CDH18: variants seen among roughly 807,000 people sequenced by gnomAD.
The protein encoded by CDH18 is cadherin 18.
CDH18 carries 31 observed loss-of-function variants against 67.9 expected under a neutral mutation model. The ratio of observed to expected loss-of-function variants is 0.46; its 90% CI spans 0.34 to 0.62. The LOEUF (loss-of-function observed/expected upper bound fraction) is 0.62, where lower values mean the gene tolerates loss of function less well. Ranked by LOEUF, CDH18 falls within the 20% of genes least tolerant of loss-of-function variation. The pLI is 0.01. For missense variants in CDH18, 890 were observed against 975.5 expected (o/e 0.91, Z 1.17); for synonymous variants, 362 against 347.2 (o/e 1.04, Z -0.48).
At chr5:20,197,839 TG>T (rs1739106004) in intron 2 of CDH18, among the ~76,000 whole-genome samples, 2 of 152,344 alleles carry the variant, frequency 1.3e-5, no homozygotes, top group African/African-American at 4.8e-5. Flanking sequence ...TGATACAGTT[TG>T]GCTCTGTGTC....
intron 2 of CDH18, among the ~76,000 whole-genome samples, chr5:19,872,714 C>T (rs1202153273): frequency 1.3e-5 from 2 of 152,314 alleles, no homozygotes; most frequent in East Asian, 1.9e-4. Flanking sequence ...TCAGCTAAGT[C>T]AGTTAAGGCT....
At chr5:19,905,696 GTTGGGGGTGAC>G in intron 2 of CDH18, among the ~76,000 whole-genome samples, 1 of 151,974 alleles carries the variant, frequency 6.6e-6, no homozygotes, top group South Asian at 2.1e-4. Flanking sequence ...GGAAGTGTCA[GTTGGGGGTGAC>G]TTAGCATAGA....
intron 2 of CDH18, among the ~76,000 whole-genome samples, chr5:20,004,966 A>G (rs1173079270): frequency 6.6e-6 from 1 of 152,176 alleles, no homozygotes; most frequent in Non-Finnish European, 1.5e-5. Context: ...GTTCCAAATA[A>G]CAGAAAAAAT....
chr5:19,736,608 G>T lies in CDH18; in HGVS notation c.523+10334C>A, dbSNP rs577383478. ...ATAGTTATATTTTTCTAGTTTTTTT[G>T]TGTGTGTTTGTTTTCTATACTACGT... On this transcript the variant is annotated intron_variant, in intron 4 of 12. Transcript: ENST00000382275. Among the ~76,000 whole-genome samples the T allele has an allele frequency of 3.0e-4, 45 of 151,968 alleles. 1 individual carries two copies. The South Asian group carries it at 3.1e-3, about 11-fold the overall frequency.
chr5:20,375,414 A>T (rs1743332806), intron 1 of CDH18, among the ~76,000 whole-genome samples: 1 of 152,196 alleles, frequency 6.6e-6, no homozygotes, highest in Non-Finnish European at 1.5e-5. Flanking sequence ...AAAGATTTCC[A>T]TGCATCTATT....
intron 2 of CDH18, among the ~76,000 whole-genome samples, chr5:20,172,196 A>ATATATATATATG (rs1736787129): frequency 2.2e-5 from 1 of 45,436 alleles, no homozygotes; most frequent in Non-Finnish European, 4.0e-5. Context: ...GTGTGTATAT[A>ATATATATATATG]TATATATATA....
intron 2 of CDH18, among the ~76,000 whole-genome samples, chr5:20,201,548 G>T (rs1739448530): frequency 6.6e-6 from 1 of 151,484 alleles, no homozygotes; most frequent in African/African-American, 2.4e-5. Flanking sequence ...TTAGTACTTT[G>T]TACCTGGATA....
intron 2 of CDH18, among the ~76,000 whole-genome samples, chr5:20,178,405 C>G (rs1737407238): frequency 6.6e-6 from 1 of 151,520 alleles, no homozygotes; most frequent in Non-Finnish European, 1.5e-5. Context: ...GAAATCGTGA[C>G]TAAAAACATC....
At chr5:20,176,887 G>T (rs1289978745) in intron 2 of CDH18, among the ~76,000 whole-genome samples, 4 of 152,062 alleles carry the variant, frequency 2.6e-5, no homozygotes, top group Non-Finnish European at 5.9e-5. Context: ...GGAGGTGCTT[G>T]TAAGTTAATT....
intron 2 of CDH18, among the ~76,000 whole-genome samples, chr5:20,150,268 C>A (rs750020384): frequency 6.6e-5 from 10 of 152,016 alleles, no homozygotes; most frequent in Non-Finnish European, 1.3e-4. Flanking sequence ...ACCTGAAAGT[C>A]TGCATCATGG....
intron 1 of CDH18, among the ~76,000 whole-genome samples, chr5:20,471,833 T>TAAAAAAAAAAAAAAAAAAA (rs70954659): frequency 1.6e-4 from 8 of 51,484 alleles, no homozygotes; most frequent in African/African-American, 4.5e-4. Flanking sequence ...AGATTCAGTC[T>TAAAAAAAAAAAAAAAAAAA]AAAAAAAAAA....
At position 20,519,942 on chromosome 5, in the gene CDH18, C is replaced by CTTTTTTTTTT. The variant is rs777265512; in HGVS notation, c.-580+55510_-580+55519dup. Reference sequence around the variant, plus strand: ...AGGCTGGAGTACAACACAGTCTTGGCTTTTTTTTTTTTTTTTTTTTTTTTT... The same window carrying CTTTTTTTTTT: ...AGGCTGGAGTACAACACAGTCTTGGCTTTTTTTTTTTTTTTTTTTTTTTTTTTTTTTTTTT... On this transcript the variant is annotated intron_variant, in intron 1 of 14. Coordinates refer to the CDH18 transcript ENST00000507958. Among the ~76,000 whole-genome samples, 108 of 41,688 alleles carry CTTTTTTTTTT rather than the reference C, an allele frequency of 2.6e-3. 28 individuals are homozygous for CTTTTTTTTTT. Among genetic ancestry groups the CTTTTTTTTTT allele is most frequent in the Non-Finnish European group, 3.0e-3 (66 of 22,190 alleles). 27.3% of individuals were successfully genotyped at this position (41,688 alleles called of 152,430 possible). A position where few individuals can be genotyped will look rare whatever the true frequency, so the allele number is the denominator to read the frequency against.
In CDH18 at chr5:19,723,903, TG is replaced by T. The variant is rs559398003; in HGVS notation, c.524-2438del. ...TAATTTTTTCTATTTATAGTAGAGA[TG>T]GGGTTTCACCATGTTGGCCAGGCTG... On this transcript the variant is annotated intron_variant, in intron 4 of 12. Transcript: ENST00000382275. 7.2e-5 allele frequency among the ~76,000 whole-genome samples: 11 copies of T among 151,966 alleles called. No homozygotes were observed. In the South Asian group the frequency reaches 2.3e-3, roughly 32 times the overall value.
At chr5:20,289,829 G>A (rs1746973822) in intron 1 of CDH18, among the ~76,000 whole-genome samples, 1 of 151,878 alleles carries the variant, frequency 6.6e-6, no homozygotes, top group African/African-American at 2.4e-5. Context: ...GGTCACCAGA[G>A]GCAAAAAACT....
chr5:19,480,424 T>A (rs1469089511), intron 12 of CDH18, among the ~76,000 whole-genome samples: 1 of 151,754 alleles, frequency 6.6e-6, no homozygotes, highest in Non-Finnish European at 1.5e-5. Context: ...TCATCCAGGC[T>A]GGAGTGCAGT....
At chr5:19,550,255 ACT>A (rs548205029) in intron 8 of CDH18, among the ~76,000 whole-genome samples, 6 of 151,670 alleles carry the variant, frequency 4.0e-5, no homozygotes, top group African/African-American at 1.5e-4. Flanking sequence ...TTAGTAGTAA[ACT>A]CTTTTTATTA....
intron 2 of CDH18, among the ~76,000 whole-genome samples, chr5:19,997,060 A>C (rs1736074974): frequency 6.6e-6 from 1 of 152,122 alleles, no homozygotes; most frequent in African/African-American, 2.4e-5. Flanking sequence ...TGTAAGGATA[A>C]TGTCCCTTAT....
chr5:19,855,954 T>C (rs1009945628), intron 2 of CDH18, among the ~76,000 whole-genome samples: 1 of 152,212 alleles, frequency 6.6e-6, no homozygotes, highest in Non-Finnish European at 1.5e-5. Context: ...AAGACAGTTA[T>C]TATTTTCTCT....
At position 20,512,333 on chromosome 5, in the gene CDH18, T is replaced by G. The variant is rs561638930; in HGVS notation, c.-580+63129A>C. Among the ~76,000 whole-genome samples, 91 of 152,324 alleles carry G rather than the reference T, an allele frequency of 6.0e-4. 2 individuals are homozygous for G. The highest frequency in any genetic ancestry group is 2.2e-3 in the African/African-American group (90 of 41,568). ...ATAATTTTTCATGGTCAGAATAAAT[T>G]GAATTTTTTGTTGCCTTATGTTTGT... is the stretch of plus-strand genomic sequence containing the variant. On this transcript the variant is annotated intron_variant, in intron 1 of 14. Transcript: ENST00000507958.
Sources: gnomAD v4.1 joint callset for allele counts (sites outside exome capture counted in the v4.1 genomes callset) on GRCh38, gnomAD v4.1.1 for gene constraint, MANE v1.5 for transcripts, NCBI Gene and HGNC (gene_info 2026-07-23, HGNC 2026-07-21) for gene names.